CBFA2T2: variants seen among roughly 807,000 people sequenced by gnomAD.
CBFA2T2 encodes the protein protein CBFA2T2.
Under a neutral mutation model 62.2 loss-of-function variants are expected in CBFA2T2, and 11 were observed. That is an observed-to-expected ratio of 0.18 (90% CI 0.11 to 0.29). CBFA2T2 has a LOEUF of 0.29. Among genes scored for constraint, CBFA2T2 ranks in the 10% least tolerant of loss-of-function variants. The probability of loss-of-function intolerance (pLI) is 1.00; values close to 1 mark genes in which losing one functional copy is unlikely to be tolerated. For missense variants in CBFA2T2, 592 were observed against 774.1 expected, an observed-to-expected ratio of 0.76 and a Z score of 2.79; for synonymous variants, 295 against 287.5, an observed-to-expected ratio of 1.03 and a Z score of -0.27.
At chr20:33,557,547 C>G (rs2012939347) in intron 1 of CBFA2T2, among the ~76,000 whole-genome samples, 1 of 152,138 alleles carries the variant, frequency 6.6e-6, no homozygotes, top group South Asian at 2.1e-4. Context: ...CACTCTGTCA[C>G]CCAGGGTGAA....
At chr20:33,521,825 T>C (rs1292808115) in intron 1 of CBFA2T2, among the ~76,000 whole-genome samples, 2 of 146,990 alleles carry the variant, frequency 1.4e-5, no homozygotes, top group African/African-American at 5.1e-5. Flanking sequence ...TTGAGCTGCG[T>C]GTGTGTGTGT....
chr20:33,523,546 T>A (rs1044908723), intron 1 of CBFA2T2, among the ~76,000 whole-genome samples: 5 of 152,168 alleles, frequency 3.3e-5, no homozygotes, highest in Admixed American at 3.3e-4. Flanking sequence ...TCCATAAGGA[T>A]CACAGTCTAG....
intron 1 of CBFA2T2, among the ~76,000 whole-genome samples, chr20:33,511,126 G>A (rs1174049162): frequency 6.6e-6 from 1 of 152,120 alleles, no homozygotes; most frequent in African/African-American, 2.4e-5. Flanking sequence ...CTGTGCAGAA[G>A]CTCTTTAGTT....
At chr20:33,518,697 G>A (rs957656011) in intron 1 of CBFA2T2, among the ~76,000 whole-genome samples, 2 of 150,784 alleles carry the variant, frequency 1.3e-5, no homozygotes, top group African/African-American at 4.9e-5. Flanking sequence ...TCTTGAACCC[G>A]AGTGGCAGAG....
chr20:33,553,021 G>GT (rs1163045189), intron 1 of CBFA2T2, among the ~76,000 whole-genome samples: 2 of 151,896 alleles, frequency 1.3e-5, no homozygotes, highest in Non-Finnish European at 2.9e-5. Flanking sequence ...CATAGTTCTG[G>GT]TTTTTTTCTT....
At chr20:33,495,514 C>T (rs554428077) in intron 1 of CBFA2T2, among the ~76,000 whole-genome samples, 7 of 151,876 alleles carry the variant, frequency 4.6e-5, no homozygotes, top group East Asian at 1.9e-4. Context: ...TGTGAAACCC[C>T]GTCCCTACCA....
Position 33,494,273 on chromosome 20 carries a change from ATTTTTTTTTT to A in CBFA2T2, c.34+3989_34+3998del, listed in dbSNP as rs1156307604. On this transcript the variant is annotated intron_variant, in intron 1 of 10. Transcript: ENST00000342704. ...TATATATATATATATATATATATATATTTTTTTTTTTTTTTTTTTTTTTTTTGAGACAGAG... is the reference window on the plus strand; with the variant it reads ...TATATATATATATATATATATATATATTTTTTTTTTTTTTTTGAGACAGAG... Among the ~76,000 whole-genome samples the A allele has an allele frequency of 2.3e-4, 5 of 21,358 alleles. 1 individual carries two copies. The highest frequency in any genetic ancestry group is 6.6e-3 in the South Asian group (2 of 304). 14.0% of individuals were successfully genotyped at this position (21,358 alleles called of 152,430 possible).
chr20:33,544,952 GAATAGAAT>G (rs2012501754), intron 1 of CBFA2T2, among the ~76,000 whole-genome samples: 1 of 48,006 alleles, frequency 2.1e-5, no homozygotes, highest in Non-Finnish European at 4.7e-5. Context: ...GAACAGAATA[GAATAGAAT>G]AGAATAGAAT....
chr20:33,560,381 C>A (rs1260395373), intron 1 of CBFA2T2, among the ~76,000 whole-genome samples: 1 of 152,216 alleles, frequency 6.6e-6, no homozygotes, highest in African/African-American at 2.4e-5. Context: ...CTGACACTAG[C>A]TATGTGGCAT....
intron 4 of CBFA2T2, among the ~76,000 whole-genome samples, chr20:33,622,149 A>G (rs1353800809): frequency 6.6e-6 from 1 of 152,344 alleles, no homozygotes; most frequent in East Asian, 1.9e-4. Flanking sequence ...TATATAGTCA[A>G]ATTCCTTATT....
intron 1 of CBFA2T2, among the ~76,000 whole-genome samples, chr20:33,546,427 T>C (rs1184827610): frequency 1.5e-5 from 2 of 134,458 alleles, no homozygotes; most frequent in Non-Finnish European, 3.2e-5. Context: ...CTGGATATAC[T>C]TTTTTTTTTT....
intron 1 of CBFA2T2, among the ~76,000 whole-genome samples, chr20:33,500,119 G>A (rs140611782): frequency 1.4e-3 from 210 of 151,840 alleles, no homozygotes; most frequent in African/African-American, 4.8e-3. Context: ...CACCACACCC[G>A]GCTAATTTTT....
chr20:33,536,469 C>T (rs1405119354), intron 1 of CBFA2T2, among the ~76,000 whole-genome samples: 3 of 145,842 alleles, frequency 2.1e-5, no homozygotes, highest in Admixed American at 6.7e-5. Flanking sequence ...GCTGGCCTGG[C>T]GGGGGCTGAC....
At position 33,490,248 on chromosome 20, in the gene CBFA2T2, C is replaced by G. The variant is rs1171505720; in HGVS notation, c.-20C>G. ...GTGTCGCGGGTAGAGGCGGGCGGCG[C>G]GCGGCGGCGGCGCTCGGCGATGGTA... On this transcript the variant is annotated 5_prime_UTR_variant, in exon 1 of 11. Transcript: ENST00000342704. The G allele has an allele frequency of 8.1e-7, 1 of 1,230,774 alleles. No individual in the cohort carries two copies. Among genetic ancestry groups the G allele is most frequent in the Non-Finnish European group, 1.0e-6 (1 of 988,120 alleles). The allele number at this position is 1,230,774 out of a possible 1,614,324, so 76.2% of individuals were successfully genotyped here. A position where few individuals can be genotyped will look rare whatever the true frequency, so the allele number is the denominator to read the frequency against.
chr20:33,595,560 TA>T (rs950374296), intron 1 of CBFA2T2, among the ~76,000 whole-genome samples: 2 of 151,740 alleles, frequency 1.3e-5, no homozygotes, highest in Admixed American at 6.6e-5. Flanking sequence ...TTTTTTAATT[TA>T]TTTTTTTTGA....
At chr20:33,604,829 A>C (rs988740517) in intron 1 of CBFA2T2, among the ~76,000 whole-genome samples, 1 of 152,068 alleles carries the variant, frequency 6.6e-6, no homozygotes, top group Admixed American at 6.6e-5. Flanking sequence ...CTTCTCCCCT[A>C]CCCTTCCAGA....
chr20:33,558,513 G>T (rs1472918642), intron 1 of CBFA2T2, among the ~76,000 whole-genome samples: 3 of 152,022 alleles, frequency 2.0e-5, no homozygotes, highest in Non-Finnish European at 4.4e-5. Context: ...GGATTGCTTG[G>T]ACTATAAAGT....
In CBFA2T2 at chr20:33,628,330, T is replaced by C. The variant is rs745732961; in HGVS notation, c.947-20T>C. On this transcript the variant is annotated intron_variant, in intron 6 of 10. Coordinates refer to ENST00000342704, the MANE Select transcript of CBFA2T2 (RefSeq NM_001032999.3). ...GTGTTTTTCCTGCTATCTTTGAATT[T>C]AATCTGTAATTTCTAATAGGTCTAA... 2 of 1,562,532 alleles carry C rather than the reference T, an allele frequency of 1.3e-6. No individual in the cohort carries two copies. Among genetic ancestry groups the C allele is most frequent in the East Asian group, 2.2e-5 (1 of 44,632 alleles).
chr20:33,646,430 T>C lies in CBFA2T2; in HGVS notation c.*1784T>C, dbSNP rs1174565272. 6.6e-6 allele frequency: 1 copy of C among 152,232 alleles called. No homozygotes were observed. 9.4% of individuals were successfully genotyped at this position (152,232 alleles called of 1,614,324 possible). A position where few individuals can be genotyped will look rare whatever the true frequency, so the allele number is the denominator to read the frequency against. On this transcript the variant is annotated 3_prime_UTR_variant, in exon 11 of 11. Coordinates refer to ENST00000342704, the MANE Select transcript of CBFA2T2 (RefSeq NM_001032999.3). ...AATTGGCCCTGCTCCAGCTGGCCTT[T>C]GAAGCACAAGTTTAAATCTCCACCT... is the stretch of plus-strand genomic sequence containing the variant.
Sources: gnomAD v4.1 joint callset for allele counts (sites outside exome capture counted in the v4.1 genomes callset) on GRCh38, gnomAD v4.1.1 for gene constraint, MANE v1.5 for transcripts, NCBI Gene and HGNC (gene_info 2026-07-23, HGNC 2026-07-21) for gene names.